The following PTPRM variants were observed in gnomAD, a reference collection of about 807,000 sequenced individuals.
The protein encoded by PTPRM is protein tyrosine phosphatase receptor type M.
Under a neutral mutation model 186.7 loss-of-function variants are expected in PTPRM, and 47 were observed. That is an observed-to-expected ratio of 0.25 (90% CI 0.20 to 0.32). PTPRM has a LOEUF of 0.32. Among genes scored for constraint, PTPRM ranks in the 10% least tolerant of loss-of-function variants. The pLI is 1.00. For synonymous variants in PTPRM, 668 were observed against 674.9 expected (o/e 0.99, Z 0.16); for missense variants, 1,494 against 1,865.0 (o/e 0.80, Z 3.66).
chr18:8,036,045 A>T (rs2148114431), intron 7 of PTPRM, among the ~76,000 whole-genome samples: 1 of 152,310 alleles, frequency 6.6e-6, no homozygotes. Flanking sequence ...ATTGAAATAC[A>T]ACAAAGAAGG....
chr18:8,107,456 C>G (rs964886896), intron 11 of PTPRM, among the ~76,000 whole-genome samples: 3 of 152,154 alleles, frequency 2.0e-5, no homozygotes, highest in African/African-American at 7.2e-5. Flanking sequence ...ATTTCTCACC[C>G]AACCTTTCAT....
At chr18:8,046,081 C>T (rs552865153) in intron 7 of PTPRM, among the ~76,000 whole-genome samples, 12 of 152,184 alleles carry the variant, frequency 7.9e-5, no homozygotes, top group African/African-American at 2.2e-4. Flanking sequence ...GTGAGTTTCA[C>T]GAGATCTGAT....
At chr18:7,783,504 C>T (rs999980706) in intron 2 of PTPRM, among the ~76,000 whole-genome samples, 6 of 152,122 alleles carry the variant, frequency 3.9e-5, no homozygotes, top group African/African-American at 1.4e-4. Context: ...AAGTCCAACG[C>T]CTGAGGAAGA....
At chr18:8,256,597 C>G (rs979217735) in intron 19 of PTPRM, among the ~76,000 whole-genome samples, 1 of 152,154 alleles carries the variant, frequency 6.6e-6, no homozygotes, top group Admixed American at 6.5e-5. Context: ...TCATCTCTTG[C>G]GCATAGCAGT....
At chr18:7,734,072 T>C (rs989452850) in intron 1 of PTPRM, among the ~76,000 whole-genome samples, 1 of 152,224 alleles carries the variant, frequency 6.6e-6, no homozygotes, top group Non-Finnish European at 1.5e-5. Flanking sequence ...TCTCAGTATA[T>C]TCCAAACCTA....
At chr18:8,047,250 T>G (rs1385515279) in intron 7 of PTPRM, among the ~76,000 whole-genome samples, 1 of 152,124 alleles carries the variant, frequency 6.6e-6, no homozygotes, top group Non-Finnish European at 1.5e-5. Context: ...ATTCCATAGT[T>G]TTTAGGCCAC....
In PTPRM at chr18:7,888,131, T is replaced by C; in HGVS notation, c.222T>C (p.Ser74=). The C allele has an allele frequency of 6.2e-7, 1 of 1,614,156 alleles. No homozygotes were observed. Among genetic ancestry groups the C allele is most frequent in the Non-Finnish European group, 8.5e-7 (1 of 1,180,010 alleles). Residue 74 remains serine (S), a synonymous_variant, in exon 3 of 33, where the codon TCT becomes TCC. Transcript: ENST00000580170. ...PSGSFMLVNA[S]GRPEGQRAHL... ...GTTCTTTCATGCTGGTGAATGCCTCTGGGAGACCTGAGGGGCAGAGAGCCC... is the reference window on the plus strand; with the variant it reads ...GTTCTTTCATGCTGGTGAATGCCTCCGGGAGACCTGAGGGGCAGAGAGCCC...
At position 8,253,271 on chromosome 18, in the gene PTPRM, T is replaced by C. The variant is rs939324986; in HGVS notation, c.2611T>C (p.Ser871Pro). ...CAGCGATACCAGCAGCCTGGTGCAG[T>C]CCCATACTTACAAGAAGCGAGAGCC... Reference protein sequence around the residue: ...MASDTSSLVQSHTYKKREPAD... With the variant: ...MASDTSSLVQPHTYKKREPAD... Residue 871 changes from serine (S) to proline (P), a missense_variant, in exon 19 of 33, where the codon TCC (serine) becomes CCC (proline). Physicochemically the swap from Ser to Pro is moderately conservative, Grantham distance 74 (BLOSUM62 -1). Around this residue, in one of 3 missense-constraint regions of PTPRM, gnomAD observed 1,107 missense variants for 1,350.2 expected, o/e 0.82. Coordinates refer to ENST00000580170, the MANE Select transcript of PTPRM (RefSeq NM_001105244.2). The C allele has an allele frequency of 1.3e-6, 2 of 1,589,406 alleles. No homozygotes were observed. Among genetic ancestry groups the C allele is most frequent in the African/African-American group, 1.4e-5 (1 of 73,598 alleles).
In PTPRM at chr18:8,319,180, T is replaced by C. The variant is rs1406155216; in HGVS notation, c.2922T>C (p.Gly974=). 7 of 1,543,458 alleles carry C rather than the reference T, an allele frequency of 4.5e-6. No homozygotes were observed. In the South Asian group the frequency reaches 8.0e-5, roughly 18 times the overall value. The part of the protein sequence containing the change: ...SDYINGNYID[G]YHRPNHYIAT... ...TATTCTCTTTTATTTATTTTTAGGG[T>C]TATCATCGACCCAATCATTACATTG... The change falls in exon 22 of 33, where the codon GGT becomes GGC. Residue 974 remains glycine, a splice_region_variant and synonymous_variant. Transcript: ENST00000580170.
At chr18:8,332,448 T>C (rs546337110) in intron 22 of PTPRM, among the ~76,000 whole-genome samples, 2 of 152,304 alleles carry the variant, frequency 1.3e-5, no homozygotes, top group East Asian at 3.9e-4. Flanking sequence ...AAACAAACAT[T>C]CCATGAAACT....
chr18:7,662,175 A>G (rs946948705), intron 1 of PTPRM, among the ~76,000 whole-genome samples: 1 of 152,110 alleles, frequency 6.6e-6, no homozygotes, highest in African/African-American at 2.4e-5. Flanking sequence ...GGCTCAAGCA[A>G]TCTGTTCACC....
intron 7 of PTPRM, among the ~76,000 whole-genome samples, chr18:8,001,291 A>G (rs1055647993): frequency 1.3e-5 from 2 of 152,196 alleles, no homozygotes; most frequent in African/African-American, 4.8e-5. Context: ...AAACTCCAGG[A>G]TGGAGCCTAG....
At chr18:8,220,767 A>T (rs1465789760) in intron 14 of PTPRM, among the ~76,000 whole-genome samples, 4 of 152,206 alleles carry the variant, frequency 2.6e-5, no homozygotes, top group Non-Finnish European at 5.9e-5. Flanking sequence ...TCATCCATTG[A>T]ATTACCTTTA....
At chr18:7,670,352 T>A (rs769486562) in intron 1 of PTPRM, among the ~76,000 whole-genome samples, 24 of 152,214 alleles carry the variant, frequency 1.6e-4, no homozygotes, top group Non-Finnish European at 2.4e-4. Flanking sequence ...TACTTTTTAC[T>A]TATATAGATT....
At chr18:8,279,972 A>G (rs1601608458) in intron 19 of PTPRM, among the ~76,000 whole-genome samples, 2 of 152,302 alleles carry the variant, frequency 1.3e-5, no homozygotes, top group South Asian at 2.1e-4. Context: ...TTTTAAATTC[A>G]TATGTTGGCA....
At chr18:7,802,948 A>C (rs1024349124) in intron 2 of PTPRM, among the ~76,000 whole-genome samples, 1 of 152,170 alleles carries the variant, frequency 6.6e-6, no homozygotes, top group Non-Finnish European at 1.5e-5. Context: ...GAATTATGGG[A>C]TGTCAATGCT....
intron 15 of PTPRM, among the ~76,000 whole-genome samples, chr18:8,245,874 A>T (rs1019454161): frequency 6.6e-6 from 1 of 152,234 alleles, no homozygotes; most frequent in African/African-American, 2.4e-5. Context: ...CTGGACAGGA[A>T]GTTTAATTTG....
chr18:7,694,329 C>T (rs1476260763), intron 1 of PTPRM, among the ~76,000 whole-genome samples: 2 of 152,004 alleles, frequency 1.3e-5, no homozygotes, highest in Admixed American at 6.6e-5. Context: ...ATGATGACTC[C>T]GCCTCATACA....
chr18:7,912,456 T>A (rs2050324071), intron 4 of PTPRM, among the ~76,000 whole-genome samples: 1 of 152,214 alleles, frequency 6.6e-6, no homozygotes, highest in Non-Finnish European at 1.5e-5. Context: ...TTTGGATCAG[T>A]GGGTCTTCCA....
Sources: gnomAD v4.1 joint callset for allele counts (sites outside exome capture counted in the v4.1 genomes callset) on GRCh38, gnomAD v4.1.1 for gene constraint, gnomAD v4.1.1 regional missense constraint, MANE v1.5 for transcripts, NCBI Gene and HGNC (gene_info 2026-07-23, HGNC 2026-07-21) for gene names.